The following IFT27 variants were observed in gnomAD, a reference collection of about 807,000 sequenced individuals.
The protein encoded by IFT27 is intraflagellar transport protein 27 homolog.
Under a neutral mutation model 23.9 loss-of-function variants are expected in IFT27, and 19 were observed. The ratio of observed to expected loss-of-function variants is 0.79; its 90% CI spans 0.55 to 1.16. IFT27 has a LOEUF of 1.16. Among genes scored for constraint, IFT27 ranks in the 50% most tolerant of loss-of-function variants. The pLI is 0.00. For synonymous variants in IFT27, 91 were observed against 89.1 expected, an observed-to-expected ratio of 1.02 and a Z score of -0.12; for missense variants, 206 against 228.7, an observed-to-expected ratio of 0.90 and a Z score of 0.64.
At position 36,776,048 on chromosome 22, in the gene IFT27, G is replaced by A. The variant is rs1341118211; in HGVS notation, c.-341C>T. ...AGCCCTACCCAGAGGGTTCAAGGAA[G>A]GACGATCCGGCTCTCCTCCGATCAC... On this transcript the variant is annotated 5_prime_UTR_variant, in exon 1 of 7. Coordinates refer to ENST00000433985, the MANE Select transcript of IFT27 (RefSeq NM_001177701.3). The A allele has an allele frequency of 5.2e-6, 2 of 382,860 alleles. No homozygotes were observed. Among genetic ancestry groups the A allele is most frequent in the South Asian group, 3.4e-5 (1 of 29,320 alleles). 23.7% of individuals were successfully genotyped at this position (382,860 alleles called of 1,614,324 possible). A position where few individuals can be genotyped will look rare whatever the true frequency, so the allele number is the denominator to read the frequency against.
intron 1 of IFT27, among the ~76,000 whole-genome samples, chr22:36,774,969 T>C (rs1336261511): frequency 3.3e-5 from 5 of 152,272 alleles, no homozygotes; most frequent in Admixed American, 6.5e-5. Flanking sequence ...TTTCTAAATG[T>C]GCAGACTGAT....
At chr22:36,761,778 T>C (rs944450938) in intron 6 of IFT27, 1 of 152,140 alleles carries the variant, frequency 6.6e-6, no homozygotes, top group Non-Finnish European at 1.5e-5. Context: ...GTACTTTCCC[T>C]AAGGAAGCAT....
intron 6 of IFT27, chr22:36,758,680 C>T (rs1337855216): frequency 1.3e-5 from 6 of 461,512 alleles, no homozygotes; most frequent in Non-Finnish European, 2.0e-5. Flanking sequence ...TTCTACAAAG[C>T]CTGTGCTTTT....
At chr22:36,774,040 C>A (rs1271642350) in intron 1 of IFT27, among the ~76,000 whole-genome samples, 1 of 152,088 alleles carries the variant, frequency 6.6e-6, no homozygotes, top group Non-Finnish European at 1.5e-5. Flanking sequence ...CCACCTTATC[C>A]ATAAGGAAAT....
intron 1 of IFT27, among the ~76,000 whole-genome samples, chr22:36,773,497 A>G (rs1938432674): frequency 6.6e-6 from 1 of 151,540 alleles, no homozygotes; most frequent in African/African-American, 2.4e-5. Flanking sequence ...ACTAAAAAAT[A>G]CAAAAAATTA....
rs1168284118 is a variant in IFT27, at chr22:36,774,533, C to T, written c.34+1141G>A. Among the ~76,000 whole-genome samples, 5 of 152,268 alleles carry T rather than the reference C, an allele frequency of 3.3e-5. No individual in the cohort carries two copies. The East Asian group carries it at 9.6e-4, about 29-fold the overall frequency. On this transcript the variant is annotated intron_variant, in intron 1 of 6. Coordinates refer to ENST00000433985, the MANE Select transcript of IFT27 (RefSeq NM_001177701.3). ...CAGAACAATCCAGTACCTGGCCGGG[C>T]GCAGTGGCTCATGCCTGTAATCCCA...
chr22:36,763,038 A>G, intron 5 of IFT27, 25 bp from the exon 6 acceptor site: 3 of 1,516,086 alleles, frequency 2.0e-6, no homozygotes, highest in Non-Finnish European at 2.7e-6. Context: ...CAACCAAAAT[A>G]TGGCACTTCA....
rs555089746 is a variant in IFT27 at position 36,763,228 on chromosome 22, C to T, written c.353-215G>A. On this transcript the variant is annotated intron_variant, in intron 5 of 6. Coordinates refer to ENST00000433985, the MANE Select transcript of IFT27 (RefSeq NM_001177701.3). ...GGTGGGCTTCGCTTTTCATGCACAA[C>T]TTCTGCTAGGTCTTTTTCTAGACCT... 102 of 439,212 alleles carry T rather than the reference C, an allele frequency of 2.3e-4. 1 individual carries two copies. The highest frequency in any genetic ancestry group is 1.9e-3 in the African/African-American group (95 of 49,592). The allele number at this position is 439,212 out of a possible 1,614,324, so 27.2% of individuals were successfully genotyped here. A position where few individuals can be genotyped will look rare whatever the true frequency, so the allele number is the denominator to read the frequency against.
At chr22:36,773,252 G>A (rs552430480) in intron 1 of IFT27, among the ~76,000 whole-genome samples, 427 of 152,240 alleles carry the variant, frequency 2.8e-3, no homozygotes, top group African/African-American at 9.7e-3. Context: ...CCGGCTGCTC[G>A]GGAGGCTGAG....
intron 5 of IFT27, chr22:36,763,467 G>A (rs866940949): frequency 2.5e-5 from 7 of 282,742 alleles, no homozygotes; most frequent in Middle Eastern, 1.2e-3. Context: ...TTTTGAGCCT[G>A]TCTCTGGAGA....
chr22:36,775,197 T>G (rs779441061), intron 1 of IFT27, among the ~76,000 whole-genome samples: 5 of 151,996 alleles, frequency 3.3e-5, no homozygotes, highest in African/African-American at 7.3e-5. Flanking sequence ...AACACACAAG[T>G]GCCTTTTGCA....
At chr22:36,763,615 T>A (rs889916709) in intron 5 of IFT27, 3 of 475,756 alleles carry the variant, frequency 6.3e-6, no homozygotes, top group Non-Finnish European at 1.2e-5. Context: ...AATTAGGAAC[T>A]CTTCCCTGGG....
At chr22:36,768,855 G>A (rs1402346440) in intron 1 of IFT27, among the ~76,000 whole-genome samples, 1 of 152,124 alleles carries the variant, frequency 6.6e-6, no homozygotes, top group East Asian at 1.9e-4. Flanking sequence ...GGCAGAACAC[G>A]TGCTTTCTGC....
At chr22:36,768,186 G>A in intron 1 of IFT27, 1 of 460,984 alleles carries the variant, frequency 2.2e-6, no homozygotes, top group South Asian at 1.7e-5. Context: ...CGCCCTATGG[G>A]GAAAAGCTGT....
At chr22:36,763,745 T>C in intron 5 of IFT27, 174 bp downstream of exon 5, 1 of 694,778 alleles carries the variant, frequency 1.4e-6, no homozygotes. Flanking sequence ...GTGTGTGTGG[T>C]GACTCACCGA....
chr22:36,767,700 C>A, intron 2 of IFT27, 83 bp downstream of exon 2: 1 of 1,287,212 alleles, frequency 7.8e-7, no homozygotes, highest in South Asian at 1.2e-5. Context: ...TAAGGCTTCC[C>A]TCAAGGAACT....
intron 6 of IFT27, 187 bp downstream of exon 6, chr22:36,762,717 T>C (rs534372596): frequency 2.4e-6 from 1 of 418,050 alleles, no homozygotes; most frequent in South Asian, 1.1e-4. Context: ...CTGATCTGCT[T>C]TCCTGTTATG....
intron 1 of IFT27, among the ~76,000 whole-genome samples, chr22:36,775,451 T>C (rs1938479741): frequency 6.6e-6 from 1 of 152,066 alleles, no homozygotes; most frequent in African/African-American, 2.4e-5. Flanking sequence ...GGTCTCAGAG[T>C]ATGTGACAGG....
rs576627455 is a variant in IFT27, at chr22:36,767,688, C to G, written c.114+95G>C. ...CTCTGAGCAGCCTTTCATCAGCTGT[C>G]TTAAGGCTTCCCTCAAGGAACTTCG... On this transcript the variant is annotated intron_variant, in intron 2 of 6. Coordinates refer to ENST00000433985, the MANE Select transcript of IFT27 (RefSeq NM_001177701.3). 7.8e-6 allele frequency: 9 copies of G among 1,156,778 alleles called. No homozygotes were observed. In the Admixed American group the frequency reaches 1.0e-4, roughly 13 times the overall value. 71.7% of individuals were successfully genotyped at this position (1,156,778 alleles called of 1,614,324 possible).
Sources: gnomAD v4.1 joint callset for allele counts (sites outside exome capture counted in the v4.1 genomes callset) on GRCh38, gnomAD v4.1.1 for gene constraint, MANE v1.5 for transcripts, NCBI Gene and HGNC (gene_info 2026-07-23, HGNC 2026-07-21) for gene names.